Variants in UMAD1 observed in about 807,000 individuals in gnomAD.
UMAD1 encodes UBAP1-MVB12-associated (UMA) domain containing 1, also known as UBAP1-MVB12-associated (UMA)-domain containing protein 1.
UMAD1 carries 8 observed loss-of-function variants against 6.1 expected under a neutral mutation model. That is an observed-to-expected ratio of 1.30 (90% CI 0.76 to 2.35). UMAD1 has a LOEUF of 2.35. Ranked by LOEUF, UMAD1 falls within the 30% of genes most tolerant of loss-of-function variation. The pLI, the probability that UMAD1 is intolerant of heterozygous loss-of-function variation, is 0.00. For missense variants in UMAD1, 130 were observed against 78.4 expected, an observed-to-expected ratio of 1.66 and a Z score of -2.49; for synonymous variants, 56 against 31.4, an observed-to-expected ratio of 1.78 and a Z score of -2.61.
At chr7:7,823,960 A>G (rs1474908676) in intron 3 of UMAD1, among the ~76,000 whole-genome samples, 2 of 152,182 alleles carry the variant, frequency 1.3e-5, no homozygotes, top group Admixed American at 6.5e-5. Context: ...CCTTTGAAAG[A>G]GTGAATTCAT....
intron 3 of UMAD1, among the ~76,000 whole-genome samples, chr7:7,839,680 A>T (rs1179474869): frequency 6.6e-6 from 1 of 152,228 alleles, no homozygotes; most frequent in East Asian, 1.9e-4. Flanking sequence ...AGGTAGTTTC[A>T]AGAACAAAGT....
At chr7:7,706,265 A>G (rs1780596863) in intron 2 of UMAD1, among the ~76,000 whole-genome samples, 3 of 152,176 alleles carry the variant, frequency 2.0e-5, no homozygotes, top group Admixed American at 6.6e-5. Flanking sequence ...AAAAGAGTCT[A>G]AAAATTATCT....
At chr7:7,869,775 A>G (rs1784302404) in intron 3 of UMAD1, among the ~76,000 whole-genome samples, 1 of 152,186 alleles carries the variant, frequency 6.6e-6, no homozygotes, top group Admixed American at 6.5e-5. Context: ...GGTTACTGGA[A>G]TTTTGTGCCA....
chr7:7,766,309 C>T (rs867223543), intron 2 of UMAD1, among the ~76,000 whole-genome samples: 1 of 152,222 alleles, frequency 6.6e-6, no homozygotes, highest in Middle Eastern at 3.4e-3. Context: ...TTTTGCAGAT[C>T]CACAGTTTAT....
rs944407501 is a variant in UMAD1 at position 7,804,560 on chromosome 7, C to G, written c.156+2817C>G. On this transcript the variant is annotated intron_variant, in intron 3 of 3. Coordinates refer to ENST00000682710, the MANE Select transcript of UMAD1 (RefSeq NM_001302348.2). ...TGGCGCCGTGCGCCTGTAATCCCAG[C>G]TACTCAGGAGGCTGAGGCAGGAGAA... 5.9e-5 allele frequency among the ~76,000 whole-genome samples: 9 copies of G among 152,358 alleles called. No homozygotes were observed. In the East Asian group the frequency reaches 1.3e-3, roughly 23 times the overall value.
intron 3 of UMAD1, 72 bp downstream of exon 3, chr7:7,801,815 T>G: frequency 1.4e-6 from 1 of 702,986 alleles, no homozygotes; most frequent in East Asian, 2.7e-5. Context: ...CCTCCGAGGA[T>G]AAATAGTAAC....
At chr7:7,798,047 A>AGAACTAC (rs1160163196) in intron 2 of UMAD1, among the ~76,000 whole-genome samples, 1 of 152,200 alleles carries the variant, frequency 6.6e-6, no homozygotes, top group African/African-American at 2.4e-5. Flanking sequence ...TACAGACTGG[A>AGAACTAC]AAACTACAGG....
At chr7:7,662,435 C>G (rs932618701) in intron 1 of UMAD1, among the ~76,000 whole-genome samples, 5 of 152,160 alleles carry the variant, frequency 3.3e-5, no homozygotes, top group African/African-American at 9.7e-5. Flanking sequence ...AACCCAGGTC[C>G]GTGGTGGCAT....
At chr7:7,828,412 A>T (rs1783390162) in intron 3 of UMAD1, among the ~76,000 whole-genome samples, 1 of 152,218 alleles carries the variant, frequency 6.6e-6, no homozygotes, top group Non-Finnish European at 1.5e-5. Context: ...CTGTGGCACA[A>T]ACTCAAATTC....
chr7:7,825,979 A>C (rs1448064822), intron 3 of UMAD1, among the ~76,000 whole-genome samples: 2 of 152,142 alleles, frequency 1.3e-5, no homozygotes, highest in African/African-American at 4.8e-5. Flanking sequence ...TACTTGTAAA[A>C]GTTAATATAA....
At chr7:7,722,149 C>G (rs1318378489) in intron 2 of UMAD1, among the ~76,000 whole-genome samples, 2 of 144,450 alleles carry the variant, frequency 1.4e-5, no homozygotes, top group Admixed American at 6.9e-5. Context: ...TAAACTCTCT[C>G]TCTCTCTCTA....
At chr7:7,649,158 C>CAAAAAA (rs34943326) in intron 1 of UMAD1, among the ~76,000 whole-genome samples, 35 of 128,840 alleles carry the variant, frequency 2.7e-4, no homozygotes, top group African/African-American at 6.4e-4. Context: ...GACTCCATCT[C>CAAAAAA]AAAAAAAAAA....
intron 1 of UMAD1, among the ~76,000 whole-genome samples, chr7:7,672,040 A>T (rs1478764275): frequency 6.6e-6 from 1 of 152,154 alleles, no homozygotes; most frequent in Non-Finnish European, 1.5e-5. Context: ...TCTACAACTC[A>T]GGTCAGGCCA....
chr7:7,819,304 A>G (rs1426126606), intron 3 of UMAD1, among the ~76,000 whole-genome samples: 1 of 137,894 alleles, frequency 7.3e-6, no homozygotes, highest in African/African-American at 2.5e-5. Context: ...TGAATATATT[A>G]CTTCTCAAAA....
At chr7:7,858,341 A>T (rs528370982) in intron 3 of UMAD1, among the ~76,000 whole-genome samples, 1 of 152,330 alleles carries the variant, frequency 6.6e-6, no homozygotes, top group South Asian at 2.1e-4. Flanking sequence ...TGAACCATAA[A>T]TTATTTAGTT....
chr7:7,751,337 A>G (rs4725023), intron 2 of UMAD1, among the ~76,000 whole-genome samples: 21,446 of 152,226 alleles, frequency 0.14, 1,564 homozygotes, highest in East Asian at 0.2. Context: ...AAGTTTCAAG[A>G]ATTGTAGAGA....
chr7:7,791,870 A>T (rs1050907244), intron 2 of UMAD1, among the ~76,000 whole-genome samples: 5 of 152,250 alleles, frequency 3.3e-5, no homozygotes, highest in African/African-American at 1.2e-4. Context: ...AAAATCTAAC[A>T]TGGTGCCTAA....
At chr7:7,710,738 T>G (rs1295591179) in intron 2 of UMAD1, among the ~76,000 whole-genome samples, 1 of 152,230 alleles carries the variant, frequency 6.6e-6, no homozygotes, top group East Asian at 1.9e-4. Context: ...TGCATAAAAC[T>G]GAGTATTTAT....
At chr7:7,759,272 G>C (rs936162496) in intron 2 of UMAD1, among the ~76,000 whole-genome samples, 2 of 152,138 alleles carry the variant, frequency 1.3e-5, no homozygotes, top group African/African-American at 4.8e-5. Context: ...TTCTCCCCAA[G>C]TTTGTTTATC....
Sources: allele counts gnomAD v4.1 joint callset (sites outside exome capture counted in the v4.1 genomes callset), GRCh38; gene constraint gnomAD v4.1.1; transcripts MANE v1.5; gene names NCBI Gene and HGNC (gene_info 2026-07-23, HGNC 2026-07-21).